The following P2RX4 variants were observed in gnomAD, a reference collection of about 807,000 sequenced individuals.
P2RX4 encodes the protein purinergic receptor P2X 4, also known as P2X purinoceptor 4.
P2RX4 carries 37 observed loss-of-function variants against 48.0 expected under a neutral mutation model. That is an observed-to-expected ratio of 0.77 (90% CI 0.59 to 1.01). P2RX4 has a LOEUF of 1.01. Ranked by LOEUF, P2RX4 falls within the 50% of genes least tolerant of loss-of-function variation. P2RX4 has a pLI of 0.00. For missense variants in P2RX4, 501 were observed against 521.4 expected (o/e 0.96, Z 0.38); for synonymous variants, 200 against 199.7 (o/e 1.00, Z -0.01).
Position 121,221,985 on chromosome 12 carries a change from G to T in P2RX4, c.354+1G>T. ...CCAGACACAGGGCCTGTGCCCCGAG[G>T]TAGGAGGCCCCCGGGAAGAGCCCCA... On this transcript the variant is annotated splice_donor_variant, in intron 3 of 11. Transcript: ENST00000337233. LOFTEE classifies it high-confidence loss of function. The T allele has an allele frequency of 6.2e-7, 1 of 1,614,118 alleles. No individual in the cohort carries two copies. The highest frequency in any genetic ancestry group is 1.6e-4 in the Middle Eastern group (1 of 6,062).
Position 121,229,151 on chromosome 12 carries a change from G to A in P2RX4, c.884+52G>A. On this transcript the variant is annotated intron_variant, in intron 8 of 11. Coordinates refer to ENST00000337233, the MANE Select transcript of P2RX4 (RefSeq NM_002560.3). This position sits in a 1 kb window ranked among gnomAD's most constrained non-coding sequence, Gnocchi z 4.6. ...CATGTTGTAGGGGGTGCTGGTGGCT[G>A]CGTACGTGCCAGTGGGCCGCCCACT... The A allele has an allele frequency of 6.2e-7, 1 of 1,608,732 alleles. No individual in the cohort carries two copies. Among genetic ancestry groups the A allele is most frequent in the East Asian group, 2.2e-5 (1 of 44,848 alleles).
Position 121,229,685 on chromosome 12 carries a change from A to G in P2RX4, c.884+586A>G, listed in dbSNP as rs1277324743. Among the ~76,000 whole-genome samples, 2 of 152,160 alleles carry G rather than the reference A, an allele frequency of 1.3e-5. No homozygotes were observed. The highest frequency in any genetic ancestry group is 2.9e-5 in the Non-Finnish European group (2 of 68,026). ...CACAGTTCTCACAGTTCTAGAGGCC[A>G]CAACCTAAAATCCAGGCATCAGCAG... On this transcript the variant is annotated intron_variant, in intron 8 of 11. Transcript: ENST00000337233. The surrounding 1 kb of genome is among the most constrained non-coding windows in gnomAD (Gnocchi z 4.6).
rs1887406305 is a variant in P2RX4 at position 121,232,196 on chromosome 12, TGGA to T, written c.885-209_885-207del. On this transcript the variant is annotated intron_variant, in intron 8 of 11. Transcript: ENST00000337233. This position sits in a 1 kb window ranked among gnomAD's most constrained non-coding sequence, Gnocchi z 4.3. ...CAGGTTCAGGAGAGGACACTGGTGC[TGGA>T]GGAGGAGGTCTCCCTGTGCCCCTGT... Among the ~76,000 whole-genome samples the T allele has an allele frequency of 1.3e-5, 2 of 152,038 alleles. No homozygotes were observed.
At chr12:121,226,712 C>T (rs1460310964) in intron 5 of P2RX4, among the ~76,000 whole-genome samples, 3 of 152,074 alleles carry the variant, frequency 2.0e-5, no homozygotes, top group African/African-American at 7.2e-5. Flanking sequence ...TAAAGTATTA[C>T]ATGTGAGGTA....
intron 4 of P2RX4, 28 bp from the exon 5 acceptor site, chr12:121,222,919 G>A: frequency 6.4e-7 from 1 of 1,558,232 alleles, no homozygotes; most frequent in South Asian, 1.1e-5. Context: ...GTGGACATGG[G>A]ACCCCCCTGC....
At chr12:121,225,072 A>ATTTTTTT (rs34333143) in intron 5 of P2RX4, among the ~76,000 whole-genome samples, 1 of 133,794 alleles carries the variant, frequency 7.5e-6, no homozygotes, top group Non-Finnish European at 1.6e-5. Context: ...ATCAAATTGG[A>ATTTTTTT]TTTTTTTTTT....
At chr12:121,212,824 A>ATATTTTTTTTT (rs370835501) in intron 1 of P2RX4, 14 of 32,252 alleles carry the variant, frequency 4.3e-4, no homozygotes, top group Non-Finnish European at 5.3e-4. Context: ...ATATATATAT[A>ATATTTTTTTTT]TTTTTTTTTT....
chr12:121,212,814 A>AT (rs1187859501), intron 1 of P2RX4: 16 of 31,472 alleles, frequency 5.1e-4, no homozygotes, highest in African/African-American at 2.3e-3. Flanking sequence ...ATATATATAT[A>AT]TATATATATA....
intron 2 of P2RX4, 69 bp from the exon 3 acceptor site, chr12:121,221,844 G>T: frequency 7.6e-7 from 1 of 1,313,932 alleles, no homozygotes; most frequent in East Asian, 2.3e-5. Flanking sequence ...TCTTCAGTCA[G>T]CGTCTGCCTT....
intron 4 of P2RX4, 72 bp downstream of exon 4, chr12:121,222,238 G>T: frequency 9.3e-7 from 1 of 1,072,488 alleles, no homozygotes; most frequent in South Asian, 1.3e-5. Flanking sequence ...GTCTCTGATA[G>T]AGAAATCTTC....
At chr12:121,219,722 A>T (rs1886473089) in intron 2 of P2RX4, among the ~76,000 whole-genome samples, 1 of 152,014 alleles carries the variant, frequency 6.6e-6, no homozygotes, top group South Asian at 2.1e-4. Flanking sequence ...AAGAAAAGAG[A>T]AGAGAAAAGA....
At chr12:121,211,311 T>C (rs746899584) in intron 1 of P2RX4, among the ~76,000 whole-genome samples, 1 of 152,066 alleles carries the variant, frequency 6.6e-6, no homozygotes, top group Non-Finnish European at 1.5e-5. Context: ...CAAGCAATTC[T>C]CCTGTCTCAG....
At chr12:121,215,835 A>C (rs1886193733) in intron 1 of P2RX4, 1 of 152,164 alleles carries the variant, frequency 6.6e-6, no homozygotes, top group South Asian at 2.1e-4. Context: ...CACTGTACCC[A>C]GCCCCTTTGG....
rs532455506 is a variant in P2RX4 at position 121,232,850 on chromosome 12, C to G, written c.1045-147C>G. On this transcript the variant is annotated intron_variant, in intron 10 of 11. Coordinates refer to ENST00000337233, the MANE Select transcript of P2RX4 (RefSeq NM_002560.3). This position sits in a 1 kb window ranked among gnomAD's most constrained non-coding sequence, Gnocchi z 4.3. ...CCTTCCCTTCTCCAAGACCACCCCC[C>G]TCAGGTCCCAGCCTTCTCCCAAGAG... 9.3e-6 allele frequency: 8 copies of G among 862,982 alleles called. No homozygotes were observed. The highest frequency in any genetic ancestry group is 3.3e-5 in the African/African-American group (2 of 60,732). 53.5% of individuals were successfully genotyped at this position (862,982 alleles called of 1,614,324 possible).
chr12:121,231,305 TCTTA>T (rs1334812530), intron 8 of P2RX4, among the ~76,000 whole-genome samples: 1 of 152,156 alleles, frequency 6.6e-6, no homozygotes, highest in East Asian at 1.9e-4. Context: ...TTTTAAATGG[TCTTA>T]CTGAGATGCA....
At chr12:121,210,334 C>T (rs1312411331) in intron 1 of P2RX4, 36 bp downstream of exon 1, 3 of 1,474,636 alleles carry the variant, frequency 2.0e-6, no homozygotes, top group Non-Finnish European at 1.8e-6. Flanking sequence ...GCGGCGGGTG[C>T]TGCCCTCGCG....
At chr12:121,222,587 A>G in intron 4 of P2RX4, 1 of 473,566 alleles carries the variant, frequency 2.1e-6, no homozygotes, top group Non-Finnish European at 4.1e-6. Context: ...TAATTTTTGT[A>G]CTTTTGGTAG....
chr12:121,232,977 T>C lies in P2RX4; in HGVS notation c.1045-20T>C, dbSNP rs370876944. ...GGGTTGCAAGCATCCTGGCTCACTC[T>C]CACCCTATGCTAAACTCAGGCGACC... On this transcript the variant is annotated intron_variant, in intron 10 of 11. Coordinates refer to ENST00000337233, the MANE Select transcript of P2RX4 (RefSeq NM_002560.3). The surrounding 1 kb of genome is among the most constrained non-coding windows in gnomAD (Gnocchi z 4.3). 5.1e-6 allele frequency: 8 copies of C among 1,563,740 alleles called. No individual in the cohort carries two copies. In the African/African-American group the frequency reaches 8.1e-5, roughly 16 times the overall value.
intron 1 of P2RX4, among the ~76,000 whole-genome samples, chr12:121,211,191 T>A (rs954011165): frequency 1.3e-5 from 2 of 152,184 alleles, no homozygotes; most frequent in Non-Finnish European, 2.9e-5. Flanking sequence ...TGAAGGCACC[T>A]GTTACTTTTT....
Sources: allele counts gnomAD v4.1 joint callset (sites outside exome capture counted in the v4.1 genomes callset), GRCh38; gene constraint gnomAD v4.1.1; non-coding constraint Gnocchi (gnomAD v3.1); transcripts MANE v1.5; gene names NCBI Gene and HGNC (gene_info 2026-07-23, HGNC 2026-07-21).